SINHCAF: variants seen among roughly 807,000 people sequenced by gnomAD.
SINHCAF encodes the protein SIN3-HDAC complex-associated factor.
Under a neutral mutation model 25.8 loss-of-function variants are expected in SINHCAF, and 3 were observed. The ratio of observed to expected loss-of-function variants is 0.12; its 90% CI spans 0.05 to 0.30. The LOEUF (loss-of-function observed/expected upper bound fraction) is 0.30. SINHCAF is among the 10% of genes least tolerant of loss of function. The pLI is 1.00. For missense variants in SINHCAF, 121 were observed against 262.3 expected (o/e 0.46, Z 3.72); for synonymous variants, 70 against 85.5 (o/e 0.82, Z 1.00).
At chr12:31,312,133 C>T (rs561548290) in intron 1 of SINHCAF, 2 of 421,892 alleles carry the variant, frequency 4.7e-6, no homozygotes, top group East Asian at 6.3e-5. Context: ...ATTGGTTTTT[C>T]CTGTTTTTAA....
intron 1 of SINHCAF, among the ~76,000 whole-genome samples, chr12:31,299,675 CTATCTTT>C (rs1938705244): frequency 6.6e-6 from 1 of 152,170 alleles, no homozygotes; most frequent in African/African-American, 2.4e-5. Context: ...CCACAGAACA[CTATCTTT>C]TTAAAGTTGT....
At chr12:31,317,672 T>G (rs1464334836) in intron 1 of SINHCAF, among the ~76,000 whole-genome samples, 1 of 152,018 alleles carries the variant, frequency 6.6e-6, no homozygotes, top group Non-Finnish European at 1.5e-5. Flanking sequence ...AAGACACACC[T>G]TAAGAGTAAT....
chr12:31,295,485 A>G (rs980606392), intron 2 of SINHCAF, 152 bp from the exon 3 acceptor site: 2 of 596,806 alleles, frequency 3.4e-6, no homozygotes, highest in Admixed American at 7.3e-5. Context: ...TTTCTATAGA[A>G]TATTTCAGAA....
intron 1 of SINHCAF, among the ~76,000 whole-genome samples, chr12:31,300,663 A>G (rs1938751339): frequency 6.6e-6 from 1 of 152,234 alleles, no homozygotes; most frequent in Admixed American, 6.5e-5. Flanking sequence ...TGGAAAAAAC[A>G]ATGTCAAATG....
At chr12:31,320,084 T>A (rs1939641006) in intron 1 of SINHCAF, among the ~76,000 whole-genome samples, 1 of 152,218 alleles carries the variant, frequency 6.6e-6, no homozygotes, top group African/African-American at 2.4e-5. Context: ...GTCAGAACCT[T>A]GTAACTGACT....
rs1224973219 is a variant in SINHCAF at position 31,324,807 on chromosome 12, A to G, written c.-21+1217T>C. 3.8e-5 allele frequency: 14 copies of G among 368,812 alleles called. No homozygotes were observed. The East Asian group carries it at 8.9e-4, about 23-fold the overall frequency. 22.8% of individuals were successfully genotyped at this position (368,812 alleles called of 1,614,324 possible). A position where few individuals can be genotyped will look rare whatever the true frequency, so the allele number is the denominator to read the frequency against. On this transcript the variant is annotated intron_variant, in intron 1 of 5. Coordinates refer to ENST00000337682, the MANE Select transcript of SINHCAF (RefSeq NM_001135812.2). This position sits in a 1 kb window ranked among gnomAD's most constrained non-coding sequence, Gnocchi z 5.5. ...CTGGCCCCCCGACCCTCCCCTCGGG[A>G]GCAGGCCCATTTAATCAAAGTTTTG...
At chr12:31,292,968 C>A (rs1413456177) in intron 4 of SINHCAF, among the ~76,000 whole-genome samples, 1 of 152,178 alleles carries the variant, frequency 6.6e-6, no homozygotes, top group Non-Finnish European at 1.5e-5. Flanking sequence ...TGAGAAAGCT[C>A]TGGAAACAGA....
In SINHCAF at chr12:31,324,868, C is replaced by T; in HGVS notation, c.-21+1156G>A. On this transcript the variant is annotated intron_variant, in intron 1 of 5. Transcript: ENST00000337682. The surrounding 1 kb of genome is among the most constrained non-coding windows in gnomAD (Gnocchi z 5.5). Reference sequence around the variant, plus strand: ...GATGAGAAACGCCCGGAGTATCCGCCCCGCACGGGCGGAGAGTTGGCGACT... The same window carrying T: ...GATGAGAAACGCCCGGAGTATCCGCTCCGCACGGGCGGAGAGTTGGCGACT... 2.3e-6 allele frequency: 1 copy of T among 429,358 alleles called. No homozygotes were observed. Among genetic ancestry groups the T allele is most frequent in the South Asian group, 1.6e-5 (1 of 61,394 alleles). The allele number at this position is 429,358 out of a possible 1,614,324, so 26.6% of individuals were successfully genotyped here.
At chr12:31,315,684 A>AGAG (rs769628093) in intron 1 of SINHCAF, among the ~76,000 whole-genome samples, 1 of 152,230 alleles carries the variant, frequency 6.6e-6, no homozygotes, top group Non-Finnish European at 1.5e-5. Context: ...AAAGAAATTT[A>AGAG]GAGGAGGACT....
chr12:31,286,013 G>C (rs1274635471), intron 5 of SINHCAF, among the ~76,000 whole-genome samples: 1 of 150,524 alleles, frequency 6.6e-6, no homozygotes, highest in Admixed American at 6.6e-5. Context: ...TGCAAACAAA[G>C]TGGTTTAAAG....
rs78711379 is a variant in SINHCAF at position 31,292,690 on chromosome 12, C to CT, written c.355+1114dup. Among the ~76,000 whole-genome samples, 1,367 of 152,122 alleles carry CT rather than the reference C, an allele frequency of 9.0e-3. 10 individuals carry two copies. Among genetic ancestry groups the CT allele is most frequent in the East Asian group, 0.037 (191 of 5,178 alleles). On this transcript the variant is annotated intron_variant, in intron 4 of 5. Transcript: ENST00000337682. ...GTGGCCCAGATCAAGTTTAAATCAC[C>CT]TCTTTGTGCCTCCTATTCTGAGCTC... is the stretch of plus-strand genomic sequence containing the variant.
intron 2 of SINHCAF, among the ~76,000 whole-genome samples, chr12:31,296,209 A>G (rs1024617504): frequency 6.6e-6 from 1 of 152,084 alleles, no homozygotes; most frequent in African/African-American, 2.4e-5. Context: ...TCTGTCACGC[A>G]GGCTGGAGTA....
At chr12:31,291,597 C>T (rs1422335740) in intron 4 of SINHCAF, among the ~76,000 whole-genome samples, 2 of 152,160 alleles carry the variant, frequency 1.3e-5, no homozygotes, top group Non-Finnish European at 2.9e-5. Context: ...AACTCTGTCT[C>T]TACTAAAAAT....
At position 31,298,190 on chromosome 12, in the gene SINHCAF, G is replaced by A. The variant is rs1367518146; in HGVS notation, c.15C>T (p.His5=). 6.2e-7 allele frequency: 1 copy of A among 1,614,130 alleles called. No individual in the cohort carries two copies. Among genetic ancestry groups the A allele is most frequent in the South Asian group, 1.1e-5 (1 of 91,086 alleles). Residue 5 remains histidine (H), a synonymous_variant, in exon 2 of 6, where the codon CAC becomes CAT. Transcript: ENST00000337682. The stretch of plus-strand genomic sequence containing the variant: ...CTATACTTCGGTACATCTTTGGCTT[G>A]TGAAAACCAAACATCTTTTCTTCTG... MFGF[H]KPKMYRSIEG... is the part of the protein sequence containing the mutation.
chr12:31,305,802 C>A (rs1254786957), intron 1 of SINHCAF, among the ~76,000 whole-genome samples: 1 of 150,506 alleles, frequency 6.6e-6, no homozygotes, highest in African/African-American at 2.4e-5. Flanking sequence ...CAGGTTTAAG[C>A]GATTCTCCTG....
intron 1 of SINHCAF, among the ~76,000 whole-genome samples, chr12:31,305,694 C>T (rs1938994243): frequency 6.9e-6 from 1 of 144,848 alleles, no homozygotes; most frequent in Non-Finnish European, 1.5e-5. Flanking sequence ...AAATATAGGC[C>T]AATTTTTTTT....
intron 2 of SINHCAF, among the ~76,000 whole-genome samples, 173 bp from the exon 3 acceptor site, chr12:31,295,506 C>T (rs757052542): frequency 6.6e-6 from 1 of 152,140 alleles, no homozygotes; most frequent in African/African-American, 2.4e-5. Flanking sequence ...ATAAAATTAT[C>T]TTCTAGATTC....
intron 5 of SINHCAF, among the ~76,000 whole-genome samples, chr12:31,283,381 T>C (rs1227926478): frequency 6.6e-6 from 1 of 152,116 alleles, no homozygotes; most frequent in Non-Finnish European, 1.5e-5. Flanking sequence ...GGTGGGCAGA[T>C]AACTTGAGGT....
At chr12:31,302,749 G>A (rs189055466) in intron 1 of SINHCAF, among the ~76,000 whole-genome samples, 31 of 151,954 alleles carry the variant, frequency 2.0e-4, no homozygotes, top group African/African-American at 6.8e-4. Context: ...GTGGCTGAGC[G>A]GGTAGGAGAG....
Sources: allele counts gnomAD v4.1 joint callset (sites outside exome capture counted in the v4.1 genomes callset), GRCh38; gene constraint gnomAD v4.1.1; non-coding constraint Gnocchi (gnomAD v3.1); transcripts MANE v1.5; gene names NCBI Gene and HGNC (gene_info 2026-07-23, HGNC 2026-07-21).